PARD3: variants seen among roughly 807,000 people sequenced by gnomAD.
The protein encoded by PARD3 is partitioning defective 3 homolog.
In PARD3, 75 loss-of-function variants were observed where a neutral mutation model predicts 155.4. The ratio of observed to expected loss-of-function variants is 0.48; its 90% confidence interval spans 0.40 to 0.58. PARD3 has a LOEUF of 0.58. Ranked by LOEUF, PARD3 falls within the 20% of genes least tolerant of loss-of-function variation. The pLI is 0.00. For synonymous variants in PARD3, 576 were observed against 610.5 expected (o/e 0.94, Z 0.83); for missense variants, 1,642 against 1,721.7 (o/e 0.95, Z 0.82).
chr10:34,192,701 G>T (rs950887208), intron 22 of PARD3, among the ~76,000 whole-genome samples: 1 of 152,126 alleles, frequency 6.6e-6, no homozygotes, highest in Non-Finnish European at 1.5e-5. Flanking sequence ...GATGGCACAG[G>T]CCGGCATCCT....
intron 2 of PARD3, among the ~76,000 whole-genome samples, chr10:34,587,669 T>C (rs1467801843): frequency 6.6e-6 from 1 of 151,936 alleles, no homozygotes; most frequent in African/African-American, 2.4e-5. Context: ...CACCAAGATA[T>C]CTACAGTCTC....
chr10:34,509,076 G>C (rs950800350), intron 3 of PARD3, among the ~76,000 whole-genome samples: 1 of 152,038 alleles, frequency 6.6e-6, no homozygotes, highest in Non-Finnish European at 1.5e-5. Flanking sequence ...TATTACAAAG[G>C]AGTATCTGCA....
chr10:34,544,586 G>C (rs556608413), intron 2 of PARD3, among the ~76,000 whole-genome samples: 2 of 152,228 alleles, frequency 1.3e-5, no homozygotes, highest in Non-Finnish European at 2.9e-5. Flanking sequence ...CATCACCTGG[G>C]AACTGTTAGA....
intron 3 of PARD3, among the ~76,000 whole-genome samples, chr10:34,488,263 A>G (rs575387056): frequency 6.6e-6 from 1 of 152,148 alleles, no homozygotes; most frequent in Non-Finnish European, 1.5e-5. Context: ...CATTTTTATC[A>G]GAGCTGGGCT....
chr10:34,262,069 T>C (rs1384675670), intron 22 of PARD3, among the ~76,000 whole-genome samples: 1 of 152,144 alleles, frequency 6.6e-6, no homozygotes, highest in Non-Finnish European at 1.5e-5. Flanking sequence ...AAGAGTAATA[T>C]TTTCCAAAGG....
intron 1 of PARD3, among the ~76,000 whole-genome samples, chr10:34,754,344 C>A (rs12245689): frequency 6.6e-6 from 1 of 152,128 alleles, no homozygotes; most frequent in African/African-American, 2.4e-5. Context: ...TATTGAGAAA[C>A]ATACAAGCAT....
chr10:34,154,395 T>C (rs1948904461), intron 22 of PARD3, among the ~76,000 whole-genome samples: 1 of 152,192 alleles, frequency 6.6e-6, no homozygotes, highest in African/African-American at 2.4e-5. Context: ...TTAGCAGTCA[T>C]GGTGAACGCC....
chr10:34,204,138 T>G (rs1212046614), intron 22 of PARD3, among the ~76,000 whole-genome samples: 1 of 152,184 alleles, frequency 6.6e-6, no homozygotes, highest in East Asian at 1.9e-4. Flanking sequence ...ACTGATAGTG[T>G]TGACAGTATT....
intron 22 of PARD3, among the ~76,000 whole-genome samples, chr10:34,161,545 C>A (rs1436725559): frequency 1.3e-5 from 2 of 152,172 alleles, no homozygotes; most frequent in Non-Finnish European, 2.9e-5. Context: ...TCCCAAGATG[C>A]TGGCCCACTT....
At chr10:34,326,549 A>G (rs1835052653) in intron 19 of PARD3, among the ~76,000 whole-genome samples, 1 of 152,224 alleles carries the variant, frequency 6.6e-6, no homozygotes, top group Non-Finnish European at 1.5e-5. Context: ...TTTGCTTATG[A>G]TAAAATTATA....
At chr10:34,640,708 C>CCAAA (rs2092646617) in intron 2 of PARD3, among the ~76,000 whole-genome samples, 1 of 24,020 alleles carries the variant, frequency 4.2e-5, no homozygotes, top group Non-Finnish European at 7.9e-5. Context: ...GACTCCATCT[C>CCAAA]AAAAAAAAAA....
At chr10:34,134,127 T>C (rs1413963952) in intron 22 of PARD3, among the ~76,000 whole-genome samples, 2 of 152,214 alleles carry the variant, frequency 1.3e-5, no homozygotes, top group African/African-American at 2.4e-5. Flanking sequence ...TAAAAATATA[T>C]AGTGTCCTAT....
chr10:34,346,211 G>C (rs1041002910), intron 15 of PARD3: 13 of 1,150,840 alleles, frequency 1.1e-5, no homozygotes, highest in Non-Finnish European at 1.4e-5. Flanking sequence ...AAACCGAAGA[G>C]GACTAATGAA....
At chr10:34,413,937 A>T (rs1311219860) in intron 5 of PARD3, among the ~76,000 whole-genome samples, 2 of 152,234 alleles carry the variant, frequency 1.3e-5, no homozygotes, top group Non-Finnish European at 2.9e-5. Context: ...GACAAGGTCA[A>T]AGAGATTAAT....
chr10:34,112,815 A>G (rs949361171), intron 24 of PARD3, among the ~76,000 whole-genome samples: 18 of 152,254 alleles, frequency 1.2e-4, no homozygotes, highest in Non-Finnish European at 1.5e-4. Context: ...GAACATTTTC[A>G]GTAAAGAAAA....
chr10:34,601,224 T>G (rs1461258229), intron 2 of PARD3, among the ~76,000 whole-genome samples: 1 of 149,862 alleles, frequency 6.7e-6, no homozygotes, highest in Non-Finnish European at 1.5e-5. Flanking sequence ...GCCAGGAGTT[T>G]GAGACCAGCC....
chr10:34,198,810 A>G (rs1362800859), intron 22 of PARD3, among the ~76,000 whole-genome samples: 1 of 151,978 alleles, frequency 6.6e-6, no homozygotes, highest in African/African-American at 2.4e-5. Context: ...GTCAGATTTA[A>G]CCCCAGGCCT....
intron 2 of PARD3, among the ~76,000 whole-genome samples, chr10:34,683,564 A>C (rs959671221): frequency 2.0e-5 from 3 of 150,418 alleles, no homozygotes; most frequent in Non-Finnish European, 1.5e-5. Context: ...CCAAAGCAAC[A>C]GAAAAGCACA....
rs114135377 is a variant in PARD3 at position 34,703,049 on chromosome 10, G to A, written c.121-6630C>T. On this transcript the variant is annotated intron_variant, in intron 1 of 24. Coordinates refer to ENST00000374788, the MANE Select transcript of PARD3 (RefSeq NM_001184785.2). ...GGAAAGCAAGAAAGAAAGAAACGTGGTGAGAGAGAATTTTTTTAAAAAAAG... is the reference window on the plus strand; with the variant it reads ...GGAAAGCAAGAAAGAAAGAAACGTGATGAGAGAGAATTTTTTTAAAAAAAG... 4.7e-3 allele frequency among the ~76,000 whole-genome samples: 713 copies of A among 152,242 alleles called. 4 individuals carry two copies. Among genetic ancestry groups the A allele is most frequent in the African/African-American group, 0.016 (672 of 41,538 alleles).
Sources: allele counts gnomAD v4.1 joint callset (sites outside exome capture counted in the v4.1 genomes callset), GRCh38; gene constraint gnomAD v4.1.1; transcripts MANE v1.5; gene names NCBI Gene and HGNC (gene_info 2026-07-23, HGNC 2026-07-21).